NEXMIF: variants seen among roughly 807,000 people sequenced by gnomAD.
The protein encoded by NEXMIF is neurite extension and migration factor.
A neutral mutation model predicts 62.1 loss-of-function variants in NEXMIF; 8 were observed. The observed-to-expected ratio is 0.13, with a 90% CI of 0.08 to 0.23. The LOEUF (loss-of-function observed/expected upper bound fraction) is 0.23. Ranked by LOEUF, NEXMIF falls within the 10% of genes least tolerant of loss-of-function variation. The probability of loss-of-function intolerance (pLI) is 1.00; values close to 1 mark genes in which losing one functional copy is unlikely to be tolerated. For synonymous variants in NEXMIF, 404 were observed against 416.6 expected (o/e 0.97, Z 0.37); for missense variants, 976 against 1,113.3 (o/e 0.88, Z 1.75).
chrX:74,913,186 TG>T (rs1264844722), intron 1 of NEXMIF, among the ~76,000 whole-genome samples: 6 of 112,088 alleles, frequency 5.4e-5, no homozygotes, highest in Admixed American at 4.7e-4. Context: ...ATCACAAAAA[TG>T]TTTCAATAAG....
intron 1 of NEXMIF, among the ~76,000 whole-genome samples, chrX:74,777,661 A>C (rs759463172): frequency 7.2e-5 from 8 of 111,449 alleles, no homozygotes; most frequent in Non-Finnish European, 9.4e-5. Flanking sequence ...CTTAGTTTAC[A>C]GTCTTTTTGT....
chrX:74,903,329 C>CACACACACAA (rs1358943867), intron 1 of NEXMIF, among the ~76,000 whole-genome samples: 21 of 55,940 alleles, frequency 3.8e-4, no homozygotes, highest in African/African-American at 1.4e-3. Flanking sequence ...CAGGCATACA[C>CACACACACAA]ACACACACAC....
At position 74,744,072 on chromosome X, in the gene NEXMIF, C is replaced by T. The variant is rs996185271; in HGVS notation, c.485G>A (p.Gly162Glu). Residue 162 changes from glycine (G) to glutamate (E), a missense_variant, in exon 3 of 4, where the codon GGG becomes GAG. Coordinates refer to ENST00000055682, the MANE Select transcript of NEXMIF (RefSeq NM_001008537.3). ...ESKDAVDPEP[G>E]ISLKVGDLNR... The stretch of plus-strand genomic sequence containing the variant: ...TAGATCACCAACTTTCAGACTGATC[C>T]CTGGCTCAGGATCTACTGCATCCTT... 4 of 1,211,580 alleles carry T rather than the reference C, an allele frequency of 3.3e-6. No homozygotes were observed. Among genetic ancestry groups the T allele is most frequent in the Non-Finnish European group, 4.5e-6 (4 of 895,473 alleles).
chrX:74,804,847 C>A (rs1423903955), intron 1 of NEXMIF, among the ~76,000 whole-genome samples: 2 of 111,862 alleles, frequency 1.8e-5, no homozygotes. Flanking sequence ...ACCTAGGCTG[C>A]CTTTCAAGTT....
rs2080104883 is a variant in NEXMIF at position 74,741,722 on chromosome X, G to C, written c.2835C>G (p.Cys945Trp). 1 of 1,211,128 alleles carries C rather than the reference G, an allele frequency of 8.3e-7. No individual in the cohort carries two copies. The highest frequency in any genetic ancestry group is 1.8e-5 in the South Asian group (1 of 56,984). ...GCATGGAGTCATACAGGACCTTGTTGCAATTACTGCCACCACTATTGAGAC... is the reference window on the plus strand; with the variant it reads ...GCATGGAGTCATACAGGACCTTGTTCCAATTACTGCCACCACTATTGAGAC... ...PICLNSGGSN[C>W]NKVLYDSMQD... The change falls in exon 3 of 4, where the codon TGC becomes TGG. Residue 945 changes from cysteine (C) to tryptophan (W), a missense_variant. Physicochemically the swap from Cys to Trp is radical, Grantham distance 215. Transcript: ENST00000055682.
rs781696291 is a variant in NEXMIF at position 74,769,653 on chromosome X, C to A, written c.-47-23956G>T. On this transcript the variant is annotated intron_variant, in intron 1 of 3. Coordinates refer to ENST00000055682, the MANE Select transcript of NEXMIF (RefSeq NM_001008537.3). Reference sequence around the variant, plus strand: ...GTCACGGTATCCGAACTTTGTAAGACGAACTCTGTGGCAAGGCTGGAAAAG... The same window carrying A: ...GTCACGGTATCCGAACTTTGTAAGAAGAACTCTGTGGCAAGGCTGGAAAAG... The A allele has an allele frequency of 4.2e-5, 29 of 689,211 alleles. No homozygotes were observed. The South Asian group carries it at 5.9e-4, about 14-fold the overall frequency. 56.8% of individuals were successfully genotyped at this position (689,211 alleles called of 1,213,427 possible). A position where few individuals can be genotyped will look rare whatever the true frequency, so the allele number is the denominator to read the frequency against.
intron 1 of NEXMIF, among the ~76,000 whole-genome samples, chrX:74,854,615 T>C (rs1324296832): frequency 2.7e-5 from 3 of 111,538 alleles, no homozygotes; most frequent in Admixed American, 9.5e-5. Flanking sequence ...GGCATTCACA[T>C]TGGAAAAGAG....
intron 1 of NEXMIF, among the ~76,000 whole-genome samples, chrX:74,752,141 A>G (rs2080146308): frequency 1.8e-5 from 2 of 111,634 alleles, no homozygotes; most frequent in Admixed American, 1.9e-4. Context: ...AACTAATTAC[A>G]TGTACTACAA....
chrX:74,783,365 T>C (rs1324247973), intron 1 of NEXMIF, among the ~76,000 whole-genome samples: 1 of 111,945 alleles, frequency 8.9e-6, no homozygotes, highest in African/African-American at 3.2e-5. Context: ...CCCTCAATTC[T>C]AGGCAAAACC....
intron 1 of NEXMIF, among the ~76,000 whole-genome samples, chrX:74,892,818 C>T (rs1419698117): frequency 8.9e-6 from 1 of 111,836 alleles, no homozygotes; most frequent in African/African-American, 3.3e-5. Flanking sequence ...GAGAATTTAC[C>T]CTAATTAAAA....
intron 1 of NEXMIF, among the ~76,000 whole-genome samples, chrX:74,752,347 C>A (rs1453406209): frequency 9.0e-6 from 1 of 110,563 alleles, no homozygotes; most frequent in Non-Finnish European, 1.9e-5. Flanking sequence ...GTATCACCTG[C>A]CTTCATTTTT....
chrX:74,816,247 T>C (rs966916195), intron 1 of NEXMIF, among the ~76,000 whole-genome samples: 1 of 111,858 alleles, frequency 8.9e-6, no homozygotes, highest in Non-Finnish European at 1.9e-5. Flanking sequence ...GTAAGTTGAG[T>C]CTTCCCAAGT....
rs186584420 is a variant in NEXMIF at position 74,764,299 on chromosome X, T to C, written c.-47-18602A>G. On this transcript the variant is annotated intron_variant, in intron 1 of 3. Transcript: ENST00000055682. ...TGATTTGGATATGTTGAACCAGCTT[T>C]GCATCCCAGGGATGAAGTCCACTTG... Among the ~76,000 whole-genome samples, 378 of 112,250 alleles carry C rather than the reference T, an allele frequency of 3.4e-3. 2 individuals carry two copies. Among genetic ancestry groups the C allele is most frequent in the African/African-American group, 0.012 (360 of 30,934 alleles).
chrX:74,921,175 G>T (rs937702905), intron 1 of NEXMIF, among the ~76,000 whole-genome samples: 7 of 111,205 alleles, frequency 6.3e-5, no homozygotes, highest in African/African-American at 2.3e-4. Flanking sequence ...TGCAGAAAAA[G>T]ACCAAAATGA....
chrX:74,871,322 G>A (rs1172885224), intron 1 of NEXMIF, among the ~76,000 whole-genome samples: 1 of 111,165 alleles, frequency 9.0e-6, no homozygotes, highest in African/African-American at 3.3e-5. Context: ...GGGGGTGTAC[G>A]AACAGGGAGT....
At chrX:74,921,323 A>C (rs903001729) in intron 1 of NEXMIF, among the ~76,000 whole-genome samples, 1 of 110,446 alleles carries the variant, frequency 9.1e-6, no homozygotes, top group Admixed American at 9.7e-5. Flanking sequence ...GCTTTCCCCA[A>C]CCCTCCACTT....
At chrX:74,767,248 G>C (rs1374554511) in intron 1 of NEXMIF, among the ~76,000 whole-genome samples, 1 of 112,022 alleles carries the variant, frequency 8.9e-6, no homozygotes, top group Non-Finnish European at 1.9e-5. Context: ...ATAACAGTCT[G>C]GCCACTTTTC....
intron 2 of NEXMIF, 126 bp downstream of exon 2, chrX:74,745,446 A>C (rs1736141626): frequency 2.1e-6 from 1 of 486,288 alleles, no homozygotes; most frequent in Admixed American, 3.2e-5. Context: ...TAAAGTTTAC[A>C]ATTAACATTC....
intron 1 of NEXMIF, among the ~76,000 whole-genome samples, chrX:74,884,409 T>C (rs1241335178): frequency 9.0e-6 from 1 of 111,343 alleles, no homozygotes; most frequent in Non-Finnish European, 1.9e-5. Context: ...CCATCTCACG[T>C]GCAGAGACAC....
Sources: allele counts gnomAD v4.1 joint callset (sites outside exome capture counted in the v4.1 genomes callset), GRCh38; gene constraint gnomAD v4.1.1; transcripts MANE v1.5; gene names NCBI Gene and HGNC (gene_info 2026-07-23, HGNC 2026-07-21).